Variants in STAG1 observed in about 807,000 individuals in gnomAD.
STAG1 encodes cohesin subunit SA-1.
In STAG1, 26 loss-of-function variants were observed where a neutral mutation model predicts 170.9. That is an observed-to-expected ratio of 0.15 (90% CI 0.11 to 0.21). The LOEUF is 0.21. Ranked by LOEUF, STAG1 falls within the 10% of genes least tolerant of loss-of-function variation. The pLI is 1.00. For synonymous variants in STAG1, 514 were observed against 497.7 expected (o/e 1.03, Z -0.44); for missense variants, 964 against 1,509.5 (o/e 0.64, Z 5.99).
Position 136,605,285 on chromosome 3 carries a change from A to C in STAG1, c.133-812T>G, listed in dbSNP as rs374072707. On this transcript the variant is annotated intron_variant, in intron 3 of 33. Transcript: ENST00000383202. ...ATTAACATACCATCCCCTCCCCCCA[A>C]CTTTATTTTAAAAAGTTAATACTTG... Among the ~76,000 whole-genome samples the C allele has an allele frequency of 2.9e-4, 44 of 152,086 alleles. No individual in the cohort carries two copies. The South Asian group carries it at 8.3e-3, about 29-fold the overall frequency.
At chr3:136,493,598 T>G (rs951889677) in intron 9 of STAG1, among the ~76,000 whole-genome samples, 1 of 143,062 alleles carries the variant, frequency 7.0e-6, no homozygotes, top group African/African-American at 2.6e-5. Flanking sequence ...AAGGCTGCAG[T>G]GAGCAATGAT....
At chr3:136,414,477 G>C (rs185585327) in intron 21 of STAG1, among the ~76,000 whole-genome samples, 75 of 152,220 alleles carry the variant, frequency 4.9e-4, no homozygotes, top group Non-Finnish European at 3.2e-4. Flanking sequence ...AAATTTTCTG[G>C]CTCCACTTCT....
intron 9 of STAG1, among the ~76,000 whole-genome samples, chr3:136,485,720 T>C (rs2107836165): frequency 6.6e-6 from 1 of 152,310 alleles, no homozygotes; most frequent in Non-Finnish European, 1.5e-5. Context: ...GAATATCAAT[T>C]CCATCTCTGT....
At chr3:136,475,884 C>T (rs1471993609) in intron 10 of STAG1, among the ~76,000 whole-genome samples, 1 of 152,140 alleles carries the variant, frequency 6.6e-6, no homozygotes, top group Non-Finnish European at 1.5e-5. Flanking sequence ...TCTTTGGAAA[C>T]ATTTATTTCC....
At chr3:136,591,266 G>C (rs1014912487) in intron 4 of STAG1, among the ~76,000 whole-genome samples, 3 of 147,190 alleles carry the variant, frequency 2.0e-5, no homozygotes, top group Non-Finnish European at 3.0e-5. Context: ...GGAGGAGGGA[G>C]GAGGGGAGGA....
intron 13 of STAG1, among the ~76,000 whole-genome samples, chr3:136,462,922 T>C (rs558736098): frequency 3.3e-5 from 5 of 152,192 alleles, no homozygotes; most frequent in Non-Finnish European, 7.4e-5. Flanking sequence ...GCTTCTATTA[T>C]ACAGAGAACC....
At chr3:136,360,184 G>A (rs1045229348) in intron 26 of STAG1, among the ~76,000 whole-genome samples, 4 of 152,022 alleles carry the variant, frequency 2.6e-5, no homozygotes, top group African/African-American at 9.7e-5. Context: ...AATTTTATCT[G>A]TAGACATCTA....
intron 1 of STAG1, among the ~76,000 whole-genome samples, chr3:136,640,763 C>T (rs1940763267): frequency 6.6e-6 from 1 of 151,042 alleles, no homozygotes; most frequent in Non-Finnish European, 1.5e-5. Flanking sequence ...ACCTGTGCCT[C>T]CCGGGTTCAA....
intron 7 of STAG1, among the ~76,000 whole-genome samples, chr3:136,520,642 G>C (rs1371980614): frequency 6.6e-6 from 1 of 151,996 alleles, no homozygotes; most frequent in Non-Finnish European, 1.5e-5. Context: ...AATTCTAAAA[G>C]AAAGCAAAAG....
Position 136,433,647 on chromosome 3 carries a change from C to G in STAG1, c.1559G>C (p.Arg520Pro). Residue 520 changes from arginine to proline, a missense_variant, in exon 16 of 34, where the codon CGT (arginine) becomes CCT (proline). Coordinates refer to ENST00000383202, the MANE Select transcript of STAG1 (RefSeq NM_005862.3). Reference protein sequence around the residue: ...PVQGEEAMSDRQESALIELMV... With the variant: ...PVQGEEAMSDPQESALIELMV... ...TAGCTCTATAAGAGCACTCTCTTGA[C>G]GATCAGACATTGCTAAGGTAAAACA... The G allele has an allele frequency of 1.2e-6, 2 of 1,609,906 alleles. No individual in the cohort carries two copies. The highest frequency in any genetic ancestry group is 1.7e-6 in the Non-Finnish European group (2 of 1,178,290).
intron 21 of STAG1, among the ~76,000 whole-genome samples, chr3:136,402,159 A>G (rs906659351): frequency 2.0e-5 from 3 of 152,216 alleles, no homozygotes; most frequent in African/African-American, 4.8e-5. Context: ...AGGAAAATCA[A>G]TAAGTAGAAT....
intron 13 of STAG1, among the ~76,000 whole-genome samples, chr3:136,455,606 G>C (rs2107783012): frequency 6.6e-6 from 1 of 152,314 alleles, no homozygotes; most frequent in East Asian, 1.9e-4. Context: ...GCACATCACA[G>C]CAACTGGTGC....
chr3:136,478,481 C>T (rs2089820540), intron 9 of STAG1, among the ~76,000 whole-genome samples: 1 of 152,140 alleles, frequency 6.6e-6, no homozygotes, highest in Non-Finnish European at 1.5e-5. Flanking sequence ...ATCATAAATC[C>T]TAATTTTCTT....
intron 1 of STAG1, among the ~76,000 whole-genome samples, chr3:136,682,378 T>C (rs1428886036): frequency 2.7e-5 from 4 of 150,870 alleles, no homozygotes; most frequent in Non-Finnish European, 4.4e-5. Context: ...TGAGCCAAGA[T>C]CATGCCACTA....
At chr3:136,388,922 GAA>G (rs34561854) in intron 22 of STAG1, among the ~76,000 whole-genome samples, 1 of 152,204 alleles carries the variant, frequency 6.6e-6, no homozygotes, top group South Asian at 2.1e-4. Flanking sequence ...CTCTGTACTA[GAA>G]AGTGTTATGT....
At chr3:136,357,239 T>C (rs1936695201) in intron 28 of STAG1, among the ~76,000 whole-genome samples, 1 of 152,144 alleles carries the variant, frequency 6.6e-6, no homozygotes, top group Non-Finnish European at 1.5e-5. Flanking sequence ...TGAGCCACCA[T>C]GCCCAGCCTA....
At chr3:136,648,503 G>A (rs1042919698) in intron 1 of STAG1, among the ~76,000 whole-genome samples, 2 of 152,086 alleles carry the variant, frequency 1.3e-5, no homozygotes, top group Non-Finnish European at 2.9e-5. Context: ...CATGACCTTG[G>A]TCAGGACATC....
intron 28 of STAG1, among the ~76,000 whole-genome samples, chr3:136,349,582 C>T (rs1479884705): frequency 1.3e-5 from 2 of 151,984 alleles, no homozygotes; most frequent in Admixed American, 6.6e-5. Flanking sequence ...AGTGTATTAC[C>T]TAAGGGTGTG....
intron 4 of STAG1, chr3:136,586,878 T>C: frequency 2.2e-6 from 1 of 456,678 alleles, no homozygotes; most frequent in South Asian, 1.5e-5. Flanking sequence ...ACACTGCTTC[T>C]CTTTCTCTCT....
Sources: allele counts gnomAD v4.1 joint callset (sites outside exome capture counted in the v4.1 genomes callset), GRCh38; gene constraint gnomAD v4.1.1; transcripts MANE v1.5; gene names NCBI Gene and HGNC (gene_info 2026-07-23, HGNC 2026-07-21).